Variants in ASTN1 observed in about 807,000 individuals in gnomAD.
ASTN1 encodes astrotactin 1.
In ASTN1, 41 loss-of-function variants were observed where a neutral mutation model predicts 140.7. That is an observed-to-expected ratio of 0.29 (90% CI 0.23 to 0.38). The LOEUF (loss-of-function observed/expected upper bound fraction) is 0.38, where lower values mean the gene tolerates loss of function less well. Ranked by LOEUF, ASTN1 falls within the 10% of genes least tolerant of loss-of-function variation. The pLI, the probability that ASTN1 is intolerant of heterozygous loss-of-function variation, is 1.00. For synonymous variants in ASTN1, 640 were observed against 652.2 expected (o/e 0.98, Z 0.29); for missense variants, 1,479 against 1,678.8 (o/e 0.88, Z 2.08).
chr1:177,116,822 A>G (rs2102169356), intron 1 of ASTN1, among the ~76,000 whole-genome samples: 1 of 151,826 alleles, frequency 6.6e-6, no homozygotes, highest in East Asian at 1.9e-4. Context: ...CTTTTCTACC[A>G]TTTTTCAAGC....
At chr1:177,042,243 G>T (rs1005205687) in intron 2 of ASTN1, among the ~76,000 whole-genome samples, 2 of 152,178 alleles carry the variant, frequency 1.3e-5, no homozygotes, top group African/African-American at 4.8e-5. Flanking sequence ...CACATATAGA[G>T]GTACAACTTG....
At chr1:176,937,767 A>C (rs534350768) in intron 14 of ASTN1, among the ~76,000 whole-genome samples, 58 of 152,168 alleles carry the variant, frequency 3.8e-4, no homozygotes, top group Non-Finnish European at 7.1e-4. Flanking sequence ...TATTATGCAT[A>C]GAATGTGTGG....
chr1:176,977,852 A>G (rs1673431744), intron 8 of ASTN1, among the ~76,000 whole-genome samples: 2 of 151,938 alleles, frequency 1.3e-5, no homozygotes, highest in South Asian at 4.2e-4. Context: ...ATCAGTACCC[A>G]CTCCTGCAGA....
chr1:177,064,471 G>T (rs181153826), intron 1 of ASTN1, among the ~76,000 whole-genome samples: 3 of 152,326 alleles, frequency 2.0e-5, no homozygotes, highest in Admixed American at 1.3e-4. Flanking sequence ...TCATGAGGAA[G>T]AAGGTCTTCT....
chr1:176,963,065 G>A (rs947251419), intron 9 of ASTN1, among the ~76,000 whole-genome samples: 2 of 152,136 alleles, frequency 1.3e-5, no homozygotes, highest in Admixed American at 6.5e-5. Flanking sequence ...AGCAGAGTGG[G>A]AGATATTCAA....
At chr1:176,871,312 G>A (rs1419519940) in intron 21 of ASTN1, among the ~76,000 whole-genome samples, 1 of 152,118 alleles carries the variant, frequency 6.6e-6, no homozygotes, top group African/African-American at 2.4e-5. Flanking sequence ...ACCGGGGGAG[G>A]AAAAATGCTG....
chr1:176,932,475 G>A (rs1385188341), intron 16 of ASTN1, among the ~76,000 whole-genome samples: 1 of 152,066 alleles, frequency 6.6e-6, no homozygotes, highest in Non-Finnish European at 1.5e-5. Flanking sequence ...AGACTAAAGA[G>A]GAGAACACAT....
chr1:176,862,342 C>T lies in ASTN1; in HGVS notation c.*1942G>A, dbSNP rs141775224. 4 of 985,478 alleles carry T rather than the reference C, an allele frequency of 4.1e-6. No homozygotes were observed. In the East Asian group the frequency reaches 4.5e-4, roughly 112 times the overall value. 61.0% of individuals were successfully genotyped at this position (985,478 alleles called of 1,614,324 possible). On this transcript the variant is annotated 3_prime_UTR_variant, in exon 23 of 23. Transcript: ENST00000361833. ...TCTCAGCCTCATCACAGGCTTCCTT[C>T]CCAGTCATGAGGGTGGGGAGGAGGG... is the stretch of plus-strand genomic sequence containing the variant.
At chr1:177,106,407 A>G (rs1680545545) in intron 1 of ASTN1, among the ~76,000 whole-genome samples, 1 of 152,044 alleles carries the variant, frequency 6.6e-6, no homozygotes, top group African/African-American at 2.4e-5. Flanking sequence ...CAGATATTCT[A>G]TTTTGTAACT....
At chr1:176,974,942 C>T (rs1379631008) in intron 8 of ASTN1, among the ~76,000 whole-genome samples, 1 of 152,074 alleles carries the variant, frequency 6.6e-6, no homozygotes, top group African/African-American at 2.4e-5. Flanking sequence ...TGTCATAGGC[C>T]CCAGTTATTC....
At chr1:176,993,113 C>T (rs184430732) in intron 8 of ASTN1, among the ~76,000 whole-genome samples, 5 of 152,314 alleles carry the variant, frequency 3.3e-5, no homozygotes, top group South Asian at 2.1e-4. Context: ...GCCCTGATCT[C>T]GACTTCCTGC....
Position 176,994,035 on chromosome 1 carries a change from G to GA in ASTN1, c.1523+20755dup, listed in dbSNP as rs56132942. ...TGTGTGTACGTGTGTGTGTGTGTGT[G>GA]AATGTGGTGAATAGCCTCCGCTTCG... On this transcript the variant is annotated intron_variant, in intron 8 of 22. Transcript: ENST00000361833. 8.8e-3 allele frequency among the ~76,000 whole-genome samples: 1,333 copies of GA among 151,774 alleles called. 21 individuals are homozygous for GA. Among genetic ancestry groups the GA allele is most frequent in the African/African-American group, 0.028 (1,174 of 41,390 alleles).
At chr1:176,867,918 A>G (rs1219491198) in intron 22 of ASTN1, among the ~76,000 whole-genome samples, 2 of 123,484 alleles carry the variant, frequency 1.6e-5, no homozygotes, top group East Asian at 8.5e-4. Flanking sequence ...GATTTTCTTC[A>G]TTTCCTTCCT....
rs1236084123 is a variant in ASTN1, at chr1:176,934,302, A to G, written c.2521T>C (p.Ser841Pro). The G allele has an allele frequency of 3.7e-6, 6 of 1,613,798 alleles. No individual in the cohort carries two copies. Among genetic ancestry groups the G allele is most frequent in the African/African-American group, 1.3e-5 (1 of 75,016 alleles). Residue 841 changes from serine (S) to proline (P), a missense_variant, in exon 16 of 23, where the codon TCT becomes CCT. Ser to Pro is a moderately conservative substitution (Grantham distance 74). This residue lies in a region of ASTN1 where 746 missense variants were observed against 800.9 expected (regional missense o/e 0.93). Transcript: ENST00000361833. ...AACAGCGCCACAAAATCTGCACGAG[A>G]TGTAGCCCCATCCAGCGAGTGGAGA... ...NALHSLDGAT[S>P]RADFVALLDQ...
chr1:177,016,290 T>G (rs1254116822), intron 7 of ASTN1, among the ~76,000 whole-genome samples: 1 of 139,380 alleles, frequency 7.2e-6, no homozygotes, highest in Non-Finnish European at 1.5e-5. Flanking sequence ...TTCTGAGAAG[T>G]AGAGTGAAAA....
At position 177,032,772 on chromosome 1, in the gene ASTN1, G is replaced by A. The variant is rs750589055; in HGVS notation, c.549C>T (p.Arg183=). 18 of 1,613,246 alleles carry A rather than the reference G, an allele frequency of 1.1e-5. No individual in the cohort carries two copies. The highest frequency in any genetic ancestry group is 1.0e-5 in the Non-Finnish European group (12 of 1,180,034). Residue 183 remains arginine, a synonymous_variant, in exon 3 of 23, where the codon CGC becomes CGT. Coordinates refer to ENST00000361833, the MANE Select transcript of ASTN1 (RefSeq NM_004319.3). ...ILYTRRRWCK[R]RRVPQPQKSA... is the part of the protein sequence containing the mutation. Reference sequence around the variant, plus strand: ...TCTTCTGGGGCTGCGGGACCCGGCGGCGTTTGCACCAGCGCCGGCGAGTAT... The same window carrying A: ...TCTTCTGGGGCTGCGGGACCCGGCGACGTTTGCACCAGCGCCGGCGAGTAT...
chr1:177,068,226 C>G (rs1443110508), intron 1 of ASTN1, among the ~76,000 whole-genome samples: 1 of 152,184 alleles, frequency 6.6e-6, no homozygotes, highest in Non-Finnish European at 1.5e-5. Context: ...TTCCTCTCAT[C>G]TCATTCTCAT....
At chr1:176,984,704 C>T (rs1673804073) in intron 8 of ASTN1, among the ~76,000 whole-genome samples, 1 of 152,200 alleles carries the variant, frequency 6.6e-6, no homozygotes. Flanking sequence ...ATCTGCTTCT[C>T]TCTAACTTAT....
At chr1:177,071,605 T>C (rs1053122326) in intron 1 of ASTN1, among the ~76,000 whole-genome samples, 3 of 152,190 alleles carry the variant, frequency 2.0e-5, no homozygotes, top group African/African-American at 7.2e-5. Context: ...CACTGCCTTC[T>C]TGCACATACA....
Sources: gnomAD v4.1 joint callset for allele counts (sites outside exome capture counted in the v4.1 genomes callset) on GRCh38, gnomAD v4.1.1 for gene constraint, gnomAD v4.1.1 regional missense constraint, MANE v1.5 for transcripts, NCBI Gene and HGNC (gene_info 2026-07-23, HGNC 2026-07-21) for gene names.